The following ANKHD1 variants were observed in gnomAD, a reference collection of about 807,000 sequenced individuals.
ANKHD1 encodes the protein ankyrin repeat and KH domain-containing protein 1.
A neutral mutation model predicts 230.5 loss-of-function variants in ANKHD1; 31 were observed. That is an observed-to-expected ratio of 0.13 (90% CI 0.10 to 0.18). The LOEUF is 0.18. Ranked by LOEUF, ANKHD1 falls within the 10% of genes least tolerant of loss-of-function variation. The pLI, the probability that ANKHD1 is intolerant of heterozygous loss-of-function variation, is 1.00. For synonymous variants in ANKHD1, 1,074 were observed against 1,117.6 expected (o/e 0.96, Z 0.78); for missense variants, 2,256 against 3,071.3 (o/e 0.73, Z 6.27).
chr5:140,460,564 A>T (rs1372047991), intron 9 of ANKHD1, among the ~76,000 whole-genome samples: 1 of 152,152 alleles, frequency 6.6e-6, no homozygotes, highest in Non-Finnish European at 1.5e-5. Context: ...TTTGTCATTC[A>T]GGCTGGAGTG....
chr5:140,505,962 C>T (rs1001317071), intron 18 of ANKHD1, 93 bp downstream of exon 18: 2 of 1,503,084 alleles, frequency 1.3e-6, no homozygotes, highest in Non-Finnish European at 1.8e-6. Flanking sequence ...ATAAAATTTG[C>T]ATGTATTTTG....
chr5:140,402,715 C>T (rs1770065861), intron 1 of ANKHD1, among the ~76,000 whole-genome samples: 1 of 152,160 alleles, frequency 6.6e-6, no homozygotes, highest in Non-Finnish European at 1.5e-5. Context: ...TGCCTTCTGC[C>T]TTGTGTGTGT....
intron 1 of ANKHD1, 32 bp downstream of exon 1, chr5:140,402,305 T>C (rs779278198): frequency 3.0e-5 from 43 of 1,436,944 alleles, no homozygotes; most frequent in Admixed American, 1.4e-4. Context: ...CTCCCACACA[T>C]TGTGAGGCGT....
At chr5:140,464,054 G>A (rs1204712203) in intron 9 of ANKHD1, among the ~76,000 whole-genome samples, 1 of 151,900 alleles carries the variant, frequency 6.6e-6, no homozygotes, top group Non-Finnish European at 1.5e-5. Context: ...TGGCCAACAT[G>A]GTAAAACCCT....
chr5:140,429,506 C>T (rs1222193540), intron 1 of ANKHD1, among the ~76,000 whole-genome samples: 1 of 152,092 alleles, frequency 6.6e-6, no homozygotes, highest in East Asian at 1.9e-4. Flanking sequence ...ATTTCATAAT[C>T]CAATTCCAAG....
chr5:140,403,406 G>A (rs1005367311), intron 1 of ANKHD1, among the ~76,000 whole-genome samples: 24 of 151,784 alleles, frequency 1.6e-4, no homozygotes, highest in Admixed American at 4.6e-4. Context: ...TGGGGAAAAA[G>A]GGGCGGGTTT....
chr5:140,519,547 C>A (rs1241870054), intron 24 of ANKHD1, among the ~76,000 whole-genome samples: 2 of 152,148 alleles, frequency 1.3e-5, no homozygotes, highest in Non-Finnish European at 2.9e-5. Context: ...GCTACAGTAA[C>A]CAAAACAGAA....
At chr5:140,430,388 T>G (rs1453436063) in intron 1 of ANKHD1, among the ~76,000 whole-genome samples, 1 of 152,200 alleles carries the variant, frequency 6.6e-6, no homozygotes, top group African/African-American at 2.4e-5. Context: ...AGCTACTGAA[T>G]AGAGATGAGC....
At chr5:140,416,854 GT>G (rs777315779) in intron 1 of ANKHD1, among the ~76,000 whole-genome samples, 288 of 141,198 alleles carry the variant, frequency 2.0e-3, no homozygotes, top group Middle Eastern at 3.6e-3. Context: ...TTTAGGATGG[GT>G]TTTTTTTTTT....
Position 140,528,366 on chromosome 5 carries a change from T to G in ANKHD1, c.5420T>G (p.Phe1807Cys), listed in dbSNP as rs745978934. The G allele has an allele frequency of 1.8e-5, 29 of 1,613,984 alleles. No individual in the cohort carries two copies. The highest frequency in any genetic ancestry group is 2.5e-5 in the Non-Finnish European group (29 of 1,180,024). The stretch of plus-strand genomic sequence containing the variant: ...ACAGCAGCTTCCAGTAAAAATGCAT[T>G]TCCTTTGGGTGCTCCAACTCTTGTA... ...GTTAASSKNA[F>C]PLGAPTLVTS... The change falls in exon 29 of 34, where the codon TTT becomes TGT. Residue 1807 changes from phenylalanine (F) to cysteine (C), a missense_variant. By Grantham distance (205) the Phe-to-Cys change is radical. Coordinates refer to ENST00000360839, the MANE Select transcript of ANKHD1 (RefSeq NM_017747.3).
intron 10 of ANKHD1, among the ~76,000 whole-genome samples, chr5:140,471,947 G>A (rs968670168): frequency 6.6e-6 from 1 of 151,906 alleles, no homozygotes; most frequent in Non-Finnish European, 1.5e-5. Flanking sequence ...CTGTTTTTGT[G>A]GCTTTGTTTT....
chr5:140,437,557 T>C (rs1773544335), intron 2 of ANKHD1, among the ~76,000 whole-genome samples: 2 of 152,026 alleles, frequency 1.3e-5, no homozygotes, highest in Non-Finnish European at 2.9e-5. Flanking sequence ...AATACAAAAA[T>C]TAACTGGGCG....
chr5:140,504,154 A>G (rs1313700643), intron 15 of ANKHD1, among the ~76,000 whole-genome samples: 1 of 151,792 alleles, frequency 6.6e-6, no homozygotes, highest in Admixed American at 6.6e-5. Context: ...GGTTCAAGCA[A>G]TTCTTCTGCC....
intron 15 of ANKHD1, among the ~76,000 whole-genome samples, chr5:140,500,011 G>A (rs1368434447): frequency 6.6e-6 from 1 of 151,938 alleles, no homozygotes; most frequent in Admixed American, 6.6e-5. Flanking sequence ...TGGGATTACA[G>A]GCACCTGCCA....
Position 140,529,495 on chromosome 5 carries a change from G to C in ANKHD1, c.6549G>C (p.Val2183=), listed in dbSNP as rs1188587250. The change falls in exon 29 of 34, where the codon GTG becomes GTC. Residue 2183 remains valine, a synonymous_variant. Transcript: ENST00000360839. ...PPAAVQLSSA[V]NIMNGSQMHI... ...CTGCAGTGCAGCTTTCTTCAGCTGT[G>C]AACATTATGAATGGTTCTCAGATGC... 2 of 1,614,066 alleles carry C rather than the reference G, an allele frequency of 1.2e-6. No homozygotes were observed. The highest frequency in any genetic ancestry group is 2.7e-5 in the African/African-American group (2 of 74,916).
At position 140,524,215 on chromosome 5, in the gene ANKHD1, AGATGAAGAGGAGAAT is replaced by A. The variant is rs1488081881; in HGVS notation, c.4476_4490del (p.Glu1492_Glu1496del). 2.5e-6 allele frequency: 4 copies of A among 1,584,932 alleles called. No individual in the cohort carries two copies. Among genetic ancestry groups the A allele is most frequent in the Non-Finnish European group, 2.6e-6 (3 of 1,172,976 alleles). ...AGAATTCGGAACTACCAGAGGATGA[AGATGAAGAGGAGAAT>A]GATGAAGATGGTGAGAAACAAACCA... is the stretch of plus-strand genomic sequence containing the variant. On this transcript the variant is annotated inframe_deletion, in exon 25 of 34. Transcript: ENST00000360839.
intron 25 of ANKHD1, chr5:140,525,002 C>G: frequency 3.9e-6 from 1 of 258,054 alleles, no homozygotes; most frequent in Non-Finnish European, 7.7e-6. Flanking sequence ...GCCTATAATC[C>G]CACCTACTCA....
Position 140,528,606 on chromosome 5 carries a change from C to T in ANKHD1, c.5660C>T (p.Thr1887Ile), listed in dbSNP as rs1386757268. The part of the protein sequence containing the change: ...FGGTFSPSPN[T>I]WGPFPVRPVN... ...GGAACCTTCTCACCTTCTCCTAACA[C>T]ATGGGGACCATTCCCAGTGAGACCT... The change falls in exon 29 of 34, where the codon ACA becomes ATA. Residue 1887 changes from threonine to isoleucine, a missense_variant. By Grantham distance (89) the Thr-to-Ile change is moderately conservative. Coordinates refer to ENST00000360839, the MANE Select transcript of ANKHD1 (RefSeq NM_017747.3). The T allele has an allele frequency of 1.2e-6, 2 of 1,614,194 alleles. No individual in the cohort carries two copies. Among genetic ancestry groups the T allele is most frequent in the African/African-American group, 1.3e-5 (1 of 75,054 alleles).
chr5:140,469,499 C>G (rs749795733), intron 10 of ANKHD1, among the ~76,000 whole-genome samples: 1 of 151,768 alleles, frequency 6.6e-6, no homozygotes, highest in Non-Finnish European at 1.5e-5. Flanking sequence ...AGAGGGAGAC[C>G]CTATCTCAAA....
Sources: allele counts gnomAD v4.1 joint callset (sites outside exome capture counted in the v4.1 genomes callset), GRCh38; gene constraint gnomAD v4.1.1; transcripts MANE v1.5; gene names NCBI Gene and HGNC (gene_info 2026-07-23, HGNC 2026-07-21).